Variants in NLGN1 observed in about 807,000 individuals in gnomAD.
NLGN1 encodes the protein neuroligin-1.
NLGN1 carries 12 observed loss-of-function variants against 65.5 expected under a neutral mutation model. That is an observed-to-expected ratio of 0.18 (90% CI 0.12 to 0.30). NLGN1 has a LOEUF of 0.30. Among genes scored for constraint, NLGN1 ranks in the 10% least tolerant of loss-of-function variants. The pLI, the probability that NLGN1 is intolerant of heterozygous loss-of-function variation, is 1.00. For synonymous variants in NLGN1, 350 were observed against 359.5 expected, an observed-to-expected ratio of 0.97 and a Z score of 0.30; for missense variants, 750 against 1,007.1, an observed-to-expected ratio of 0.74 and a Z score of 3.46.
At chr3:173,871,459 A>G (rs1356348267) in intron 4 of NLGN1, among the ~76,000 whole-genome samples, 2 of 152,234 alleles carry the variant, frequency 1.3e-5, no homozygotes, top group African/African-American at 4.8e-5. Context: ...CTAGACGTAG[A>G]CAGATCTTGA....
chr3:173,772,973 G>A (rs1578360556), intron 3 of NLGN1, among the ~76,000 whole-genome samples: 1 of 152,252 alleles, frequency 6.6e-6, no homozygotes, highest in Middle Eastern at 3.4e-3. Context: ...AAGTCTGCTT[G>A]GGTTAGATTT....
intron 4 of NLGN1, among the ~76,000 whole-genome samples, chr3:174,203,454 G>A (rs1734866951): frequency 6.6e-6 from 1 of 152,196 alleles, no homozygotes; most frequent in African/African-American, 2.4e-5. Context: ...TGAATCTTGT[G>A]AGACAGGGAA....
At chr3:173,808,323 T>C (rs1386066178) in intron 4 of NLGN1, among the ~76,000 whole-genome samples, 1 of 152,146 alleles carries the variant, frequency 6.6e-6, no homozygotes, top group East Asian at 1.9e-4. Context: ...TTTTTCTGAA[T>C]GTATTCTGAT....
At chr3:174,207,247 A>G (rs753047261) in intron 4 of NLGN1, among the ~76,000 whole-genome samples, 59 of 150,466 alleles carry the variant, frequency 3.9e-4, no homozygotes, top group Non-Finnish European at 7.1e-4. Flanking sequence ...AAAGTGCAAT[A>G]TTGAGTAAAG....
intron 3 of NLGN1, among the ~76,000 whole-genome samples, chr3:173,744,973 C>A (rs150143099): frequency 4.8e-4 from 73 of 152,214 alleles, no homozygotes; most frequent in African/African-American, 1.7e-3. Context: ...TGTTAATAGA[C>A]CGCCTATCTT....
chr3:174,025,177 A>G (rs949512481), intron 4 of NLGN1, among the ~76,000 whole-genome samples: 4 of 152,206 alleles, frequency 2.6e-5, no homozygotes, highest in Non-Finnish European at 5.9e-5. Context: ...TTTAGCATTA[A>G]AAGACAAATT....
intron 3 of NLGN1, among the ~76,000 whole-genome samples, chr3:173,742,349 G>A (rs547349364): frequency 3.0e-4 from 45 of 152,098 alleles, no homozygotes; most frequent in African/African-American, 1.0e-3. Flanking sequence ...TAAATTTTCT[G>A]TTTGCCCCAA....
intron 4 of NLGN1, among the ~76,000 whole-genome samples, chr3:174,017,108 C>T (rs1435662298): frequency 6.6e-6 from 1 of 152,066 alleles, no homozygotes; most frequent in Non-Finnish European, 1.5e-5. Context: ...GGCTGCTAAC[C>T]CCATTGCTAG....
chr3:173,473,413 T>C (rs1725630074), intron 2 of NLGN1, among the ~76,000 whole-genome samples: 1 of 152,196 alleles, frequency 6.6e-6, no homozygotes, highest in Admixed American at 6.5e-5. Context: ...TCCCCCACTG[T>C]GGGAAATGAG....
intron 4 of NLGN1, among the ~76,000 whole-genome samples, chr3:174,104,234 T>C (rs1713209627): frequency 6.6e-6 from 1 of 152,134 alleles, no homozygotes; most frequent in Non-Finnish European, 1.5e-5. Flanking sequence ...GTTTCAAAAA[T>C]ATTATAGTAA....
chr3:173,468,433 A>G (rs1401246010), intron 2 of NLGN1, among the ~76,000 whole-genome samples: 2 of 152,094 alleles, frequency 1.3e-5, no homozygotes, highest in Non-Finnish European at 2.9e-5. Context: ...TAGAAACTTT[A>G]ATAAAATTCC....
intron 2 of NLGN1, among the ~76,000 whole-genome samples, chr3:173,567,176 G>A (rs1273673566): frequency 6.6e-6 from 1 of 152,032 alleles, no homozygotes; most frequent in Non-Finnish European, 1.5e-5. Context: ...TCTGAGAACT[G>A]TAAAACACAT....
rs114993056 is a variant in NLGN1, at chr3:174,035,760, G to T, written c.646+227928G>T. Among the ~76,000 whole-genome samples the T allele has an allele frequency of 4.1e-4, 63 of 152,214 alleles. 1 individual carries two copies. The East Asian group carries it at 8.3e-3, about 20-fold the overall frequency. On this transcript the variant is annotated intron_variant, in intron 4 of 6. Coordinates refer to ENST00000457714, the Ensembl canonical transcript of NLGN1. ...TCCAGGTTCTTGTAGCCAGTGATCC[G>T]CAATTCCATTTCATAATAAGAAAGA...
At chr3:173,508,647 C>T (rs927191878) in intron 2 of NLGN1, among the ~76,000 whole-genome samples, 3 of 152,092 alleles carry the variant, frequency 2.0e-5, no homozygotes, top group African/African-American at 7.2e-5. Context: ...CCCTCTGCTC[C>T]TTTTTGGTCT....
At chr3:173,979,057 C>A (rs564288299) in intron 4 of NLGN1, among the ~76,000 whole-genome samples, 302 of 151,574 alleles carry the variant, frequency 2.0e-3, no homozygotes, top group South Asian at 4.8e-3. Flanking sequence ...TAATGAGCAA[C>A]TGAGTACATT....
intron 4 of NLGN1, among the ~76,000 whole-genome samples, chr3:173,930,366 A>T (rs116520312): frequency 6.6e-6 from 1 of 152,334 alleles, no homozygotes; most frequent in Non-Finnish European, 1.5e-5. Context: ...ATATTTCCTA[A>T]GCAACATCAA....
chr3:173,604,114 T>G (rs1027537525), intron 2 of NLGN1, among the ~76,000 whole-genome samples, 165 bp from the exon 2 acceptor site: 1 of 152,166 alleles, frequency 6.6e-6, no homozygotes, highest in Non-Finnish European at 1.5e-5. Flanking sequence ...TATAATCAGT[T>G]AGTTTACTTG....
intron 4 of NLGN1, among the ~76,000 whole-genome samples, chr3:174,074,817 C>T (rs1740572062): frequency 6.6e-6 from 1 of 152,124 alleles, no homozygotes; most frequent in South Asian, 2.1e-4. Flanking sequence ...TTTAAAAAGA[C>T]AAAAGTTAAG....
At chr3:173,431,518 A>T (rs1717157564) in intron 1 of NLGN1, among the ~76,000 whole-genome samples, 1 of 152,132 alleles carries the variant, frequency 6.6e-6, no homozygotes, top group Non-Finnish European at 1.5e-5. Context: ...CAAATTCAGT[A>T]ATCAATTTTT....
Sources: gnomAD v4.1 joint callset for allele counts (sites outside exome capture counted in the v4.1 genomes callset) on GRCh38, gnomAD v4.1.1 for gene constraint, MANE v1.5 for transcripts, NCBI Gene and HGNC (gene_info 2026-07-23, HGNC 2026-07-21) for gene names.